The following ADAMTS5 variants were observed in gnomAD, a reference collection of about 807,000 sequenced individuals.
ADAMTS5 encodes the protein ADAM metallopeptidase with thrombospondin type 1 motif 5, also known as A disintegrin and metalloproteinase with thrombospondin motifs 5.
A neutral mutation model predicts 81.4 loss-of-function variants in ADAMTS5; 54 were observed. The observed-to-expected ratio is 0.66, with a 90% confidence interval of 0.53 to 0.83. ADAMTS5 has a LOEUF of 0.83. ADAMTS5 is among the 40% of genes least tolerant of loss of function. ADAMTS5 has a pLI of 0.00. For synonymous variants in ADAMTS5, 532 were observed against 508.8 expected (o/e 1.05, Z -0.61); for missense variants, 1,194 against 1,229.9 (o/e 0.97, Z 0.44).
In ADAMTS5 at chr21:26,966,869, T is replaced by A. The variant is rs1009171408; in HGVS notation, c.-478A>T. ...GGAGGTTCCAAGCTCCGGGGCCCAC[T>A]TCCTTTCTTATTTTGTGGGTTTCCT... On this transcript the variant is annotated 5_prime_UTR_variant, in exon 1 of 8. The change creates a new upstream start codon in the 5' untranslated region. Coordinates refer to ENST00000284987, the MANE Select transcript of ADAMTS5 (RefSeq NM_007038.5). Among the ~76,000 whole-genome samples, 3 of 152,126 alleles carry A rather than the reference T, an allele frequency of 2.0e-5. No homozygotes were observed. The highest frequency in any genetic ancestry group is 6.5e-5 in the Admixed American group (1 of 15,278).
intron 6 of ADAMTS5, 77 bp from the exon 7 acceptor site, chr21:26,930,138 C>A: frequency 7.0e-7 from 1 of 1,422,452 alleles, no homozygotes; most frequent in South Asian, 1.3e-5. Context: ...AGTAAGTTCT[C>A]ATTTGTGATT....
intron 2 of ADAMTS5, chr21:26,953,945 T>C (rs1280467774): frequency 6.5e-6 from 1 of 153,666 alleles, no homozygotes; most frequent in African/African-American, 2.4e-5. Context: ...TAAAGTAATT[T>C]AGCAAAAATT....
At chr21:26,929,771 G>A (rs2123169777) in intron 7 of ADAMTS5, 115 bp downstream of exon 7, 7 of 1,007,434 alleles carry the variant, frequency 6.9e-6, no homozygotes, top group Admixed American at 2.8e-5. Flanking sequence ...CTAGAGCCAC[G>A]TTAGACCTCC....
intron 1 of ADAMTS5, among the ~76,000 whole-genome samples, chr21:26,957,314 ATAT>A (rs2123203734): frequency 6.6e-6 from 1 of 152,306 alleles, no homozygotes. Flanking sequence ...AGGAGTAAAG[ATAT>A]TATTGGGGCA....
Position 26,965,380 on chromosome 21 carries a change from G to C in ADAMTS5, c.1012C>G (p.Leu338Val). 6.2e-7 allele frequency: 1 copy of C among 1,614,258 alleles called. No individual in the cohort carries two copies. The highest frequency in any genetic ancestry group is 1.3e-5 in the African/African-American group (1 of 75,068). ...LEVSKNAATT[L>V]KNFCKWQHQH... ...TGCTGCCACTTGCAAAAGTTCTTGA[G>C]TGTGGTGGCAGCGTTCTTGCTCACT... The change falls in exon 1 of 8, where the codon CTC becomes GTC. Residue 338 changes from leucine (L) to valine (V), a missense_variant. Transcript: ENST00000284987.
At chr21:26,932,459 C>A (rs538669864) in intron 5 of ADAMTS5, among the ~76,000 whole-genome samples, 1 of 152,028 alleles carries the variant, frequency 6.6e-6, no homozygotes, top group South Asian at 2.1e-4. Context: ...TTTAGGGGGC[C>A]GAGGAGGGTG....
chr21:26,965,097 G>A (rs919489015), intron 1 of ADAMTS5, among the ~76,000 whole-genome samples, 191 bp downstream of exon 1: 2 of 152,184 alleles, frequency 1.3e-5, no homozygotes, highest in African/African-American at 2.4e-5. Flanking sequence ...TGGCATTTAA[G>A]GCAAAAATTT....
chr21:26,966,518 G>A lies in ADAMTS5; in HGVS notation c.-127C>T. On this transcript the variant is annotated 5_prime_UTR_variant, in exon 1 of 8. Transcript: ENST00000284987. ...TGCTTGCAGGATTGAGTCAAGTGTC[G>A]GAGGGAGGGGGGCCCGGCAGCAGCG... The A allele has an allele frequency of 1.0e-6, 1 of 969,516 alleles. No individual in the cohort carries two copies. The highest frequency in any genetic ancestry group is 1.4e-6 in the Non-Finnish European group (1 of 720,228). 60.1% of individuals were successfully genotyped at this position (969,516 alleles called of 1,614,324 possible). A position where few individuals can be genotyped will look rare whatever the true frequency, so the allele number is the denominator to read the frequency against.
chr21:26,948,904 C>T lies in ADAMTS5; in HGVS notation c.1238-5357G>A, dbSNP rs145103659. ...CAGTATATTAGTTGTTGACCTTAGA[C>T]GGGTTTAGAAAGTACCCTGTGTGTT... On this transcript the variant is annotated intron_variant, in intron 2 of 7. Transcript: ENST00000284987. Among the ~76,000 whole-genome samples, 27 of 152,198 alleles carry T rather than the reference C, an allele frequency of 1.8e-4. No individual in the cohort carries two copies. The East Asian group carries it at 4.1e-3, about 23-fold the overall frequency.
chr21:26,965,257 G>T (rs200596472), intron 1 of ADAMTS5, 31 bp downstream of exon 1: 2 of 1,585,076 alleles, frequency 1.3e-6, no homozygotes, highest in East Asian at 2.2e-5. Context: ...TGATATCAGC[G>T]CTGGGACCCC....
Position 26,957,527 on chromosome 21 carries a change from A to G in ADAMTS5, c.1105-2656T>C, listed in dbSNP as rs1299517966. ...GATACTGGAGAGATGTGAATCACAT[A>G]CAATACCATGTAAGAGGTAAACGAA... On this transcript the variant is annotated intron_variant, in intron 1 of 7. Coordinates refer to ENST00000284987, the MANE Select transcript of ADAMTS5 (RefSeq NM_007038.5). 2.0e-5 allele frequency among the ~76,000 whole-genome samples: 3 copies of G among 152,226 alleles called. No homozygotes were observed. In the East Asian group the frequency reaches 5.8e-4, roughly 29 times the overall value.
intron 1 of ADAMTS5, 108 bp downstream of exon 1, chr21:26,965,180 A>G: frequency 6.9e-7 from 1 of 1,455,202 alleles, no homozygotes; most frequent in Non-Finnish European, 9.3e-7. Context: ...AGTTAAACAC[A>G]TCCACAGCTG....
At chr21:26,949,187 A>G (rs1987272511) in intron 2 of ADAMTS5, among the ~76,000 whole-genome samples, 1 of 145,356 alleles carries the variant, frequency 6.9e-6, no homozygotes, top group Non-Finnish European at 1.5e-5. Flanking sequence ...TATCACACAT[A>G]TATATATATA....
At chr21:26,928,228 C>T (rs1402407938) in intron 7 of ADAMTS5, among the ~76,000 whole-genome samples, 1 of 152,098 alleles carries the variant, frequency 6.6e-6, no homozygotes, top group African/African-American at 2.4e-5. Context: ...TGAGCCAAAG[C>T]TTGATTACAA....
At chr21:26,926,667 T>TA (rs35848324) in intron 7 of ADAMTS5, among the ~76,000 whole-genome samples, 1,335 of 123,340 alleles carry the variant, frequency 0.011, 17 homozygotes, top group Middle Eastern at 0.035. Context: ...GACCCTGTCT[T>TA]AAAAAAAAAA....
chr21:26,947,087 G>C (rs1987229487), intron 2 of ADAMTS5, among the ~76,000 whole-genome samples: 1 of 152,230 alleles, frequency 6.6e-6, no homozygotes, highest in Non-Finnish European at 1.5e-5. Context: ...GGAAGAATTA[G>C]TGTTTGTGTT....
In ADAMTS5 at chr21:26,966,115, C is replaced by A. The variant is rs1987658677; in HGVS notation, c.277G>T (p.Ala93Ser). 9.9e-6 allele frequency: 16 copies of A among 1,612,626 alleles called. No homozygotes were observed. The East Asian group carries it at 3.6e-4, about 36-fold the overall frequency. The change falls in exon 1 of 8, where the codon GCG becomes TCG. Residue 93 changes from alanine (A) to serine (S), a missense_variant. Coordinates refer to ENST00000284987, the MANE Select transcript of ADAMTS5 (RefSeq NM_007038.5). The part of the protein sequence containing the change: ...GGGKVGYLVY[A>S]GGRRFLLDLE... The stretch of plus-strand genomic sequence containing the variant: ...TCCAAGAGGAACCTCCGGCCGCCCG[C>A]GTAGACGAGGTAGCCCACCTTGCCG...
chr21:26,922,698 AAAC>A lies in ADAMTS5; in HGVS notation c.*1352_*1354del, dbSNP rs1308425707. On this transcript the variant is annotated 3_prime_UTR_variant, in exon 8 of 8. Transcript: ENST00000284987. The stretch of plus-strand genomic sequence containing the variant: ...CTACTTAAACAGGCTATGGAAACAA[AAAC>A]AACAACTTTCTGAAAATCATCACAT... The A allele has an allele frequency of 6.6e-6, 1 of 152,486 alleles. No individual in the cohort carries two copies. The highest frequency in any genetic ancestry group is 2.4e-5 in the African/African-American group (1 of 41,448). The allele number at this position is 152,486 out of a possible 1,614,324, so 9.4% of individuals were successfully genotyped here. A position where few individuals can be genotyped will look rare whatever the true frequency, so the allele number is the denominator to read the frequency against.
intron 7 of ADAMTS5, among the ~76,000 whole-genome samples, chr21:26,927,266 T>C (rs1245589741): frequency 6.6e-6 from 1 of 152,166 alleles, no homozygotes; most frequent in Admixed American, 6.5e-5. Flanking sequence ...AAGGGATGTT[T>C]TAGTCCGCTC....
Sources: allele counts gnomAD v4.1 joint callset (sites outside exome capture counted in the v4.1 genomes callset), GRCh38; gene constraint gnomAD v4.1.1; transcripts MANE v1.5; gene names NCBI Gene and HGNC (gene_info 2026-07-23, HGNC 2026-07-21).